The following CLRN2 variants were observed in gnomAD, a reference collection of about 807,000 sequenced individuals.
The protein encoded by CLRN2 is clarin 2, also known as clarin-2.
CLRN2 carries 17 observed loss-of-function variants against 20.1 expected under a neutral mutation model. The observed-to-expected ratio is 0.85, with a 90% CI of 0.58 to 1.27. The LOEUF is 1.27. CLRN2 is among the 50% of genes most tolerant of loss of function. The pLI, the probability that CLRN2 is intolerant of heterozygous loss-of-function variation, is 0.00. For synonymous variants in CLRN2, 140 were observed against 126.9 expected, an observed-to-expected ratio of 1.10 and a Z score of -0.70; for missense variants, 288 against 299.5, an observed-to-expected ratio of 0.96 and a Z score of 0.28.
chr4:17,521,823 A>C (rs1307731290), intron 1 of CLRN2, among the ~76,000 whole-genome samples: 1 of 152,206 alleles, frequency 6.6e-6, no homozygotes, highest in Non-Finnish European at 1.5e-5. Flanking sequence ...CCGATTGGTC[A>C]TTACAGCTGA....
chr4:17,523,360 G>A (rs1263574668), intron 2 of CLRN2, among the ~76,000 whole-genome samples: 1 of 151,780 alleles, frequency 6.6e-6, no homozygotes, highest in Non-Finnish European at 1.5e-5. Flanking sequence ...GAGTACAGGC[G>A]TGCACCACCA....
At chr4:17,522,502 G>C (rs1711857488) in intron 1 of CLRN2, among the ~76,000 whole-genome samples, 1 of 152,202 alleles carries the variant, frequency 6.6e-6, no homozygotes, top group South Asian at 2.1e-4. Context: ...TGCAACGTGA[G>C]AATTATGTGT....
At chr4:17,525,935 T>A (rs1160298112) in intron 2 of CLRN2, among the ~76,000 whole-genome samples, 1 of 129,460 alleles carries the variant, frequency 7.7e-6, no homozygotes, top group Non-Finnish European at 1.8e-5. Flanking sequence ...ATAAATGTGT[T>A]ATTAAAAATA....
Sources: allele counts gnomAD v4.1 joint callset (sites outside exome capture counted in the v4.1 genomes callset), GRCh38; gene constraint gnomAD v4.1.1; transcripts MANE v1.5; gene names NCBI Gene and HGNC (gene_info 2026-07-23, HGNC 2026-07-21).